GXYLT2: variants seen among roughly 807,000 people sequenced by gnomAD.
GXYLT2 encodes the protein glycosyltransferase 8 domain containing 4.
In GXYLT2, 53 loss-of-function variants were observed where a neutral mutation model predicts 45.8. That is an observed-to-expected ratio of 1.16 (90% CI 0.93 to 1.46). The LOEUF (loss-of-function observed/expected upper bound fraction) is 1.46, where lower values mean the gene tolerates loss of function less well. GXYLT2 is among the 40% of genes most tolerant of loss of function. The probability of loss-of-function intolerance (pLI) is 0.00; values close to 1 mark genes in which losing one functional copy is unlikely to be tolerated. For missense variants in GXYLT2, 551 were observed against 544.4 expected (o/e 1.01, Z -0.12); for synonymous variants, 219 against 214.2 (o/e 1.02, Z -0.19).
At chr3:72,936,467 C>G (rs1185540971) in intron 3 of GXYLT2, among the ~76,000 whole-genome samples, 1 of 152,034 alleles carries the variant, frequency 6.6e-6, no homozygotes, top group Non-Finnish European at 1.5e-5. Flanking sequence ...TGGTGAAACT[C>G]TGTCTCTACT....
Position 72,935,544 on chromosome 3 carries a change from G to A in GXYLT2, c.600+13209G>A, listed in dbSNP as rs749578745. 6.6e-5 allele frequency among the ~76,000 whole-genome samples: 10 copies of A among 152,228 alleles called. No homozygotes were observed. The East Asian group carries it at 7.7e-4, about 12-fold the overall frequency. On this transcript the variant is annotated intron_variant, in intron 3 of 6. Transcript: ENST00000389617. Reference sequence around the variant, plus strand: ...CACATATAATGGAAAAAACCATACCGTATCAGGCATATTGACTGAACTTTC... The same window carrying A: ...CACATATAATGGAAAAAACCATACCATATCAGGCATATTGACTGAACTTTC...
chr3:72,957,369 G>C lies in GXYLT2; in HGVS notation c.976+17G>C, dbSNP rs1710668780. On this transcript the variant is annotated intron_variant, in intron 5 of 6. Coordinates refer to ENST00000389617, the MANE Select transcript of GXYLT2 (RefSeq NM_001080393.2). ...TCAACCCAGGTAGGTTATCTTTGGA[G>C]AATGCCTTTTGTGTAGGAGTACACT... 1.3e-6 allele frequency: 2 copies of C among 1,584,822 alleles called. No homozygotes were observed. The highest frequency in any genetic ancestry group is 2.7e-5 in the African/African-American group (2 of 73,580).
chr3:72,888,688 A>T (rs1283299518), intron 1 of GXYLT2, among the ~76,000 whole-genome samples, 180 bp downstream of exon 1: 1 of 152,120 alleles, frequency 6.6e-6, no homozygotes, highest in East Asian at 1.9e-4. Context: ...AGTCCCCCTA[A>T]CAGCTCGGTG....
chr3:72,960,127 G>A lies in GXYLT2; in HGVS notation c.976+2775G>A, dbSNP rs563774608. Among the ~76,000 whole-genome samples, 6 of 152,214 alleles carry A rather than the reference G, an allele frequency of 3.9e-5. No individual in the cohort carries two copies. The South Asian group carries it at 1.2e-3, about 32-fold the overall frequency. Reference sequence around the variant, plus strand: ...CACCCAGCTAATTTTTGTAATTTTTGTATTATAGGCATCCGCCACCATGCC... The same window carrying A: ...CACCCAGCTAATTTTTGTAATTTTTATATTATAGGCATCCGCCACCATGCC... On this transcript the variant is annotated intron_variant, in intron 5 of 6. Coordinates refer to ENST00000389617, the MANE Select transcript of GXYLT2 (RefSeq NM_001080393.2).
chr3:72,934,785 T>C (rs1408477216), intron 3 of GXYLT2, among the ~76,000 whole-genome samples: 1 of 152,154 alleles, frequency 6.6e-6, no homozygotes, highest in Non-Finnish European at 1.5e-5. Context: ...AACATGAGAT[T>C]CAGTAAAAAA....
In GXYLT2 at chr3:72,905,612, A is replaced by C. The variant is rs143680390; in HGVS notation, c.276-2755A>C. 7.8e-3 allele frequency among the ~76,000 whole-genome samples: 1,185 copies of C among 152,270 alleles called. 6 individuals carry two copies. Among genetic ancestry groups the C allele is most frequent in the Non-Finnish European group, 0.011 (737 of 68,016 alleles). ...ACATTCTTGCATAGGTCTTGTGCAA[A>C]TGTGCAAGAGTTTCTTCAGGTTATA... On this transcript the variant is annotated intron_variant, in intron 1 of 6. Coordinates refer to ENST00000389617, the MANE Select transcript of GXYLT2 (RefSeq NM_001080393.2).
intron 1 of GXYLT2, among the ~76,000 whole-genome samples, chr3:72,900,419 TA>T (rs1213809181): frequency 6.6e-6 from 1 of 152,116 alleles, no homozygotes; most frequent in African/African-American, 2.4e-5. Flanking sequence ...ATCACAATTT[TA>T]TTTTTTTTTT....
chr3:72,955,257 C>A lies in GXYLT2; in HGVS notation c.760C>A (p.Arg254Ser). 1 of 1,613,978 alleles carries A rather than the reference C, an allele frequency of 6.2e-7. No individual in the cohort carries two copies. The highest frequency in any genetic ancestry group is 8.5e-7 in the Non-Finnish European group (1 of 1,179,892). The change falls in exon 4 of 7, where the codon CGC becomes AGC. Residue 254 changes from arginine (R) to serine (S), a missense_variant. Physicochemically the swap from Arg to Ser is moderately radical, Grantham distance 110. Transcript: ENST00000389617. Reference protein sequence around the residue: ...HEIPKIGWYSRFARHPFYGSA... With the variant: ...HEIPKIGWYSSFARHPFYGSA... ...AATCCCCAAGATTGGCTGGTACAGC[C>A]GCTTTGCTAGGCATCCTTTCTATGG...
intron 2 of GXYLT2, among the ~76,000 whole-genome samples, chr3:72,919,691 G>T (rs1159724945): frequency 1.3e-5 from 2 of 152,222 alleles, no homozygotes; most frequent in African/African-American, 4.8e-5. Context: ...GGAGGCGGCG[G>T]TTGCAGTGAG....
chr3:72,963,831 C>T (rs1389953956), intron 5 of GXYLT2, among the ~76,000 whole-genome samples: 1 of 152,078 alleles, frequency 6.6e-6, no homozygotes, highest in Non-Finnish European at 1.5e-5. Context: ...TGCCACCACG[C>T]CCAGCTAATT....
At position 72,933,189 on chromosome 3, in the gene GXYLT2, A is replaced by T. The variant is rs376160171; in HGVS notation, c.600+10854A>T. 9.8e-5 allele frequency among the ~76,000 whole-genome samples: 15 copies of T among 152,310 alleles called. 1 individual carries two copies. The highest frequency in any genetic ancestry group is 3.4e-4 in the African/African-American group (14 of 41,574). ...TAATTCTCTTTCCGAAAAGGACTTT[A>T]TCTTGATTAATAGCAACATCATTTT... is the stretch of plus-strand genomic sequence containing the variant. On this transcript the variant is annotated intron_variant, in intron 3 of 6. Transcript: ENST00000389617.
chr3:72,895,595 GAAAA>G (rs1304657963), intron 1 of GXYLT2, among the ~76,000 whole-genome samples: 2 of 151,372 alleles, frequency 1.3e-5, no homozygotes, highest in Non-Finnish European at 2.9e-5. Context: ...TCACTGTAAA[GAAAA>G]AAAAGACAAA....
At chr3:72,938,450 G>T (rs1405399037) in intron 3 of GXYLT2, among the ~76,000 whole-genome samples, 3 of 152,242 alleles carry the variant, frequency 2.0e-5, no homozygotes, top group African/African-American at 7.2e-5. Flanking sequence ...TTGAAAATCA[G>T]TCTAATTTGA....
At chr3:72,958,022 G>C (rs2107144690) in intron 5 of GXYLT2, among the ~76,000 whole-genome samples, 1 of 152,216 alleles carries the variant, frequency 6.6e-6, no homozygotes, top group East Asian at 1.9e-4. Context: ...TGTAATCCCA[G>C]CACTTTGGGA....
chr3:72,929,019 G>GC (rs1559737930), intron 3 of GXYLT2: 6 of 1,396,736 alleles, frequency 4.3e-6, no homozygotes, highest in East Asian at 2.3e-5. Context: ...CGCAGCCACC[G>GC]CCGCCTCTCC....
chr3:72,913,001 C>A (rs1448074419), intron 2 of GXYLT2, among the ~76,000 whole-genome samples: 1 of 151,456 alleles, frequency 6.6e-6, no homozygotes, highest in Non-Finnish European at 1.5e-5. Context: ...TGACTTTATC[C>A]CTTTGATGGT....
intron 2 of GXYLT2, among the ~76,000 whole-genome samples, chr3:72,910,435 G>A (rs1709594311): frequency 6.6e-6 from 1 of 152,098 alleles, no homozygotes; most frequent in Non-Finnish European, 1.5e-5. Flanking sequence ...TTAGTCTTTT[G>A]GCCTTTTTGA....
At position 72,922,480 on chromosome 3, in the gene GXYLT2, G is replaced by A; in HGVS notation, c.600+145G>A. ...AGCTGATGCTCTAAGTCTGCAGCAT[G>A]TAGAGAGGATCCCTGTGTTCTGGAG... On this transcript the variant is annotated intron_variant, in intron 3 of 6. Transcript: ENST00000389617. 4.0e-6 allele frequency: 3 copies of A among 741,284 alleles called. No individual in the cohort carries two copies. The South Asian group carries it at 5.9e-5, about 15-fold the overall frequency. The allele number at this position is 741,284 out of a possible 1,614,324, so 45.9% of individuals were successfully genotyped here.
intron 1 of GXYLT2, among the ~76,000 whole-genome samples, chr3:72,890,620 T>A (rs1575770818): frequency 6.6e-6 from 1 of 152,322 alleles, no homozygotes; most frequent in African/African-American, 2.4e-5. Flanking sequence ...AGATGTCTTT[T>A]AAAGAAACAC....
Sources: allele counts gnomAD v4.1 joint callset (sites outside exome capture counted in the v4.1 genomes callset), GRCh38; gene constraint gnomAD v4.1.1; transcripts MANE v1.5; gene names NCBI Gene and HGNC (gene_info 2026-07-23, HGNC 2026-07-21).